Variants in FBXO3 observed in about 807,000 individuals in gnomAD.
FBXO3 encodes the protein F-box protein 3, also known as F-box only protein 3.
Under a neutral mutation model 64.8 loss-of-function variants are expected in FBXO3, and 17 were observed. The ratio of observed to expected loss-of-function variants is 0.26; its 90% CI spans 0.18 to 0.39. FBXO3 has a LOEUF of 0.39. Among genes scored for constraint, FBXO3 ranks in the 10% least tolerant of loss-of-function variants. The probability of loss-of-function intolerance (pLI) is 1.00; values close to 1 mark genes in which losing one functional copy is unlikely to be tolerated. For missense variants in FBXO3, 420 were observed against 589.9 expected, an observed-to-expected ratio of 0.71 and a Z score of 2.98; for synonymous variants, 182 against 201.6, an observed-to-expected ratio of 0.90 and a Z score of 0.82.
chr11:33,759,691 C>T (rs561913039), intron 3 of FBXO3, among the ~76,000 whole-genome samples: 6 of 152,100 alleles, frequency 3.9e-5, no homozygotes, highest in African/African-American at 1.4e-4. Flanking sequence ...AGGCCTATAC[C>T]AAGACAAGAT....
intron 9 of FBXO3, 90 bp from the exon 10 acceptor site, chr11:33,747,410 A>T: frequency 9.8e-7 from 1 of 1,020,286 alleles, no homozygotes; most frequent in Non-Finnish European, 1.5e-6. Context: ...CATTATGTAA[A>T]CTATATAATA....
At chr11:33,754,061 T>C (rs970233087) in intron 6 of FBXO3, 2 of 158,008 alleles carry the variant, frequency 1.3e-5, no homozygotes, top group Non-Finnish European at 2.8e-5. Flanking sequence ...AGTATCTTAA[T>C]GCTACTGCAT....
chr11:33,763,304 A>G, intron 3 of FBXO3: 1 of 442,656 alleles, frequency 2.3e-6, no homozygotes, highest in Non-Finnish European at 4.6e-6. Context: ...GAACATTGCA[A>G]GAAAGGAAAA....
rs753292581 is a variant in FBXO3 at position 33,743,229 on chromosome 11, T to G, written c.1240-1145A>C. ...TTTGCCGATTCGTTATAAGTATATA[T>G]CTAAGATCAACCCACACTGGAAGGA... On this transcript the variant is annotated intron_variant, in intron 10 of 10. Transcript: ENST00000265651. The surrounding 1 kb of genome is among the most constrained non-coding windows in gnomAD (Gnocchi z 4.6). 2.0e-5 allele frequency: 3 copies of G among 152,206 alleles called. No homozygotes were observed. The allele number at this position is 152,206 out of a possible 1,614,324, so 9.4% of individuals were successfully genotyped here. A position where few individuals can be genotyped will look rare whatever the true frequency, so the allele number is the denominator to read the frequency against.
chr11:33,770,781 G>T lies in FBXO3; in HGVS notation c.154C>A (p.Leu52Met), dbSNP rs761750078. 25 of 1,611,764 alleles carry T rather than the reference G, an allele frequency of 1.6e-5. No homozygotes were observed. The highest frequency in any genetic ancestry group is 2.0e-5 in the Non-Finnish European group (24 of 1,178,310). The change falls in exon 2 of 11, where the codon CTG becomes ATG. Residue 52 changes from leucine (L) to methionine (M), a missense_variant. By Grantham distance (15) the Leu-to-Met change is conservative. This residue lies in a region of FBXO3 where 337 missense variants were observed against 518.4 expected (regional missense o/e 0.65). Transcript: ENST00000265651. ...RLSQLSSHDP[L>M]WRRHCKKYWL... ...TATTTTTTGCAATGTCTTCTCCACA[G>T]CGGATCATGACTTGATAGCTGGCTA...
intron 9 of FBXO3, among the ~76,000 whole-genome samples, chr11:33,748,232 T>A (rs981125633): frequency 1.3e-5 from 2 of 152,152 alleles, no homozygotes; most frequent in African/African-American, 4.8e-5. Flanking sequence ...AACATGTAGA[T>A]CTATCCATGG....
At chr11:33,742,125 T>A in intron 10 of FBXO3, 41 bp from the exon 11 acceptor site, 1 of 1,465,380 alleles carries the variant, frequency 6.8e-7, no homozygotes. Context: ...AGAGCATCTA[T>A]CAGTTTTTTA....
At chr11:33,756,153 T>A (rs1433226846) in intron 4 of FBXO3, among the ~76,000 whole-genome samples, 178 bp from the exon 5 acceptor site, 2 of 152,216 alleles carry the variant, frequency 1.3e-5, no homozygotes. Flanking sequence ...CAAACTCTTT[T>A]GATTGGAAAA....
At chr11:33,769,416 C>G (rs1855456613) in intron 2 of FBXO3, among the ~76,000 whole-genome samples, 1 of 152,126 alleles carries the variant, frequency 6.6e-6, no homozygotes, top group Non-Finnish European at 1.5e-5. Flanking sequence ...CATATCTACA[C>G]TGAATTAGTT....
At chr11:33,747,435 A>C (rs1013672223) in intron 9 of FBXO3, 115 bp from the exon 10 acceptor site, 2 of 815,502 alleles carry the variant, frequency 2.5e-6, no homozygotes, top group African/African-American at 3.6e-5. Flanking sequence ...ATGCACAGTT[A>C]GAAAAAAAAA....
chr11:33,751,477 T>C, intron 7 of FBXO3, 46 bp downstream of exon 7: 1 of 1,262,844 alleles, frequency 7.9e-7, no homozygotes, highest in Non-Finnish European at 1.1e-6. Context: ...ATCATTTTTC[T>C]CTGATTTACA....
At chr11:33,756,939 C>G (rs745872150) in intron 4 of FBXO3, 34 of 508,674 alleles carry the variant, frequency 6.7e-5, no homozygotes, top group Non-Finnish European at 1.3e-4. Flanking sequence ...TGCTATGCTA[C>G]CCAGGTTGGT....
In FBXO3 at chr11:33,754,469, T is replaced by G; in HGVS notation, c.710A>C (p.Asp237Ala). The G allele has an allele frequency of 6.3e-7, 1 of 1,585,642 alleles. No individual in the cohort carries two copies. The highest frequency in any genetic ancestry group is 1.2e-5 in the South Asian group (1 of 84,666). Residue 237 changes from aspartate to alanine, a missense_variant, in exon 6 of 11, where the codon GAC (aspartate) becomes GCC (alanine). This residue lies in a region of FBXO3 where 337 missense variants were observed against 518.4 expected (regional missense o/e 0.65). Transcript: ENST00000265651. ...DQMARNPAAI[D>A]MFIIGATFTD... ...TTCTTTCCTACCTATAATAAACATG[T>G]CAATAGCAGCTGGATTTCGAGCCAT...
At position 33,743,397 on chromosome 11, in the gene FBXO3, T is replaced by C. The variant is rs1854734237; in HGVS notation, c.1240-1313A>G. The stretch of plus-strand genomic sequence containing the variant: ...GTAATCAAGCCATGACTTACTCTGC[T>C]GTCAATGTTCTCTCTCACACATTTG... On this transcript the variant is annotated intron_variant, in intron 10 of 10. Transcript: ENST00000265651. The surrounding 1 kb of genome is among the most constrained non-coding windows in gnomAD (Gnocchi z 4.6). The C allele has an allele frequency of 6.6e-6, 1 of 152,268 alleles. No homozygotes were observed. The highest frequency in any genetic ancestry group is 2.4e-5 in the African/African-American group (1 of 41,466). 9.4% of individuals were successfully genotyped at this position (152,268 alleles called of 1,614,324 possible). A position where few individuals can be genotyped will look rare whatever the true frequency, so the allele number is the denominator to read the frequency against.
intron 1 of FBXO3, 167 bp downstream of exon 1, chr11:33,774,227 C>T (rs1855582885): frequency 3.3e-6 from 2 of 603,106 alleles, no homozygotes; most frequent in Non-Finnish European, 5.7e-6. Flanking sequence ...TTTCCGCCCC[C>T]GTCTCGCCCC....
At chr11:33,748,711 T>C (rs980705274) in intron 9 of FBXO3, 66 bp downstream of exon 9, 2 of 979,812 alleles carry the variant, frequency 2.0e-6, no homozygotes, top group Admixed American at 1.9e-5. Context: ...ATGTTATATT[T>C]AGGATGCAAA....
At position 33,765,561 on chromosome 11, in the gene FBXO3, T is replaced by C. The variant is rs138792471; in HGVS notation, c.358+3290A>G. Among the ~76,000 whole-genome samples the C allele has an allele frequency of 4.2e-3, 638 of 152,284 alleles. 6 individuals are homozygous for C. The highest frequency in any genetic ancestry group is 0.014 in the African/African-American group (587 of 41,560). Reference sequence around the variant, plus strand: ...AAAGAGGTATCCAACTGTAATAGAATTTGGGAGGCAGAAAGACTAGAGTTA... The same window carrying C: ...AAAGAGGTATCCAACTGTAATAGAACTTGGGAGGCAGAAAGACTAGAGTTA... On this transcript the variant is annotated intron_variant, in intron 3 of 10. Coordinates refer to ENST00000265651, the MANE Select transcript of FBXO3 (RefSeq NM_012175.4).
intron 3 of FBXO3, among the ~76,000 whole-genome samples, chr11:33,760,228 T>C (rs1166305595): frequency 6.6e-6 from 1 of 152,220 alleles, no homozygotes; most frequent in Non-Finnish European, 1.5e-5. Context: ...TAGATACATC[T>C]TGGAAAACTG....
intron 3 of FBXO3, among the ~76,000 whole-genome samples, chr11:33,766,008 AT>A (rs1261331420): frequency 6.6e-6 from 1 of 152,214 alleles, no homozygotes; most frequent in Non-Finnish European, 1.5e-5. Context: ...CAATGCAAGA[AT>A]GGACTGATAC....
Sources: allele counts gnomAD v4.1 joint callset (sites outside exome capture counted in the v4.1 genomes callset), GRCh38; gene constraint gnomAD v4.1.1; regional missense constraint gnomAD v4.1.1; non-coding constraint Gnocchi (gnomAD v3.1); transcripts MANE v1.5; gene names NCBI Gene and HGNC (gene_info 2026-07-23, HGNC 2026-07-21).